The following ST18 variants were observed in gnomAD, a reference collection of about 807,000 sequenced individuals.
ST18 encodes the protein suppression of tumorigenicity 18 protein.
Under a neutral mutation model 110.0 loss-of-function variants are expected in ST18, and 50 were observed. The observed-to-expected ratio is 0.45, with a 90% CI of 0.36 to 0.58. The LOEUF (loss-of-function observed/expected upper bound fraction) is 0.58, where lower values mean the gene tolerates loss of function less well. Among genes scored for constraint, ST18 ranks in the 20% least tolerant of loss-of-function variants. The pLI is 0.00. For synonymous variants in ST18, 461 were observed against 452.4 expected (o/e 1.02, Z -0.24); for missense variants, 1,306 against 1,280.1 (o/e 1.02, Z -0.31).
chr8:52,406,641 C>T (rs1015265459), intron 2 of ST18: 16 of 152,282 alleles, frequency 1.1e-4, no homozygotes, highest in Admixed American at 1.0e-3. Context: ...GAGGTCTTAA[C>T]ATCCAAGTGG....
chr8:52,118,977 T>C (rs959393758), intron 23 of ST18, among the ~76,000 whole-genome samples: 1 of 152,144 alleles, frequency 6.6e-6, no homozygotes, highest in Admixed American at 6.5e-5. Flanking sequence ...GGACCCATGA[T>C]GGGAGGCAGA....
At chr8:52,254,936 C>T (rs1209322982) in intron 2 of ST18, among the ~76,000 whole-genome samples, 1 of 152,094 alleles carries the variant, frequency 6.6e-6, no homozygotes, top group Non-Finnish European at 1.5e-5. Context: ...CAGAAGCTCA[C>T]GAATTAGACA....
At chr8:52,239,031 T>C (rs568267814) in intron 2 of ST18, among the ~76,000 whole-genome samples, 1 of 152,222 alleles carries the variant, frequency 6.6e-6, no homozygotes, top group Admixed American at 6.5e-5. Context: ...GAAGTACTTA[T>C]GTATGCCGAA....
At chr8:52,366,540 T>C (rs1454417621) in intron 2 of ST18, among the ~76,000 whole-genome samples, 1 of 152,160 alleles carries the variant, frequency 6.6e-6, no homozygotes. Context: ...TCTGAGGACC[T>C]TGGCACTTGC....
chr8:52,322,694 G>A (rs1413134468), intron 2 of ST18, among the ~76,000 whole-genome samples: 2 of 152,184 alleles, frequency 1.3e-5, no homozygotes, highest in Admixed American at 1.3e-4. Flanking sequence ...TTTCTTTCCA[G>A]TAGAGTAGAT....
At chr8:52,284,610 G>C (rs2095438340) in intron 2 of ST18, among the ~76,000 whole-genome samples, 1 of 152,118 alleles carries the variant, frequency 6.6e-6, no homozygotes, top group Admixed American at 6.5e-5. Context: ...CTCAAGGGGA[G>C]GCAGTGTCCT....
At chr8:52,164,893 ATATAATATT>A (rs1554645088) in intron 12 of ST18, among the ~76,000 whole-genome samples, 2 of 152,234 alleles carry the variant, frequency 1.3e-5, no homozygotes, top group Non-Finnish European at 2.9e-5. Context: ...GCAACTTCAA[ATATAATATT>A]TTTTCATTAT....
intron 2 of ST18, among the ~76,000 whole-genome samples, chr8:52,245,249 A>T (rs535409572): frequency 3.9e-5 from 6 of 151,924 alleles, no homozygotes; most frequent in Non-Finnish European, 7.4e-5. Context: ...TTTTCAATAA[A>T]TTTTTTTTTG....
In ST18 at chr8:52,250,395, C is replaced by T. The variant is rs1191517176; in HGVS notation, c.-464-20318G>A. ...GTCCCTTTCATTCACACCACGAGGC[C>T]GTTTTCCTACTATCAGTCAGCAGCT... On this transcript the variant is annotated intron_variant, in intron 2 of 25. Coordinates refer to ENST00000689386, the MANE Select transcript of ST18 (RefSeq NM_001352837.2). Among the ~76,000 whole-genome samples, 6 of 129,982 alleles carry T rather than the reference C, an allele frequency of 4.6e-5. No individual in the cohort carries two copies. The East Asian group carries it at 1.1e-3, about 23-fold the overall frequency. The allele number at this position is 129,982 out of a possible 152,430, so 85.3% of individuals were successfully genotyped here.
chr8:52,140,941 ATGTGGGAAAAGGTGT>A (rs1440354699), intron 17 of ST18, among the ~76,000 whole-genome samples: 1 of 152,208 alleles, frequency 6.6e-6, no homozygotes, highest in African/African-American at 2.4e-5. Flanking sequence ...CAGCAGGTCC[ATGTGGGAAAAGGTGT>A]CTGGCTGGCC....
chr8:52,142,928 AC>A lies in ST18; in HGVS notation c.2168+1del. On this transcript the variant is annotated splice_donor_variant, in intron 17 of 25. Coordinates refer to ENST00000689386, the MANE Select transcript of ST18 (RefSeq NM_001352837.2). LOFTEE classifies it high-confidence loss of function. ...GAGGGCATGGCATTGGGCACCACTT[AC>A]GTGATTAGTTCCTTTTTGAGATCTC... The A allele has an allele frequency of 6.2e-7, 1 of 1,605,038 alleles. No individual in the cohort carries two copies. Among genetic ancestry groups the A allele is most frequent in the Non-Finnish European group, 8.5e-7 (1 of 1,171,802 alleles).
intron 2 of ST18, among the ~76,000 whole-genome samples, chr8:52,375,245 C>T (rs916224681): frequency 5.3e-5 from 8 of 152,116 alleles, no homozygotes; most frequent in African/African-American, 9.7e-5. Flanking sequence ...AAAATCTTCA[C>T]TTGACTCCAC....
chr8:52,286,266 C>T (rs1315483840), intron 2 of ST18, among the ~76,000 whole-genome samples: 1 of 152,134 alleles, frequency 6.6e-6, no homozygotes, highest in African/African-American at 2.4e-5. Context: ...AAGGAAATAA[C>T]ATTGTATTTT....
At chr8:52,236,372 G>A (rs1368775734) in intron 2 of ST18, among the ~76,000 whole-genome samples, 1 of 152,168 alleles carries the variant, frequency 6.6e-6, no homozygotes, top group Non-Finnish European at 1.5e-5. Context: ...CACTTTGGGA[G>A]GCCAAAGCGG....
At chr8:52,220,618 A>T (rs1173376922) in intron 5 of ST18, 123 bp downstream of exon 5, 2 of 152,134 alleles carry the variant, frequency 1.3e-5, no homozygotes, top group Admixed American at 6.5e-5. Context: ...ACTAACAATA[A>T]ATTTGTAAGC....
intron 2 of ST18, among the ~76,000 whole-genome samples, chr8:52,367,392 A>G (rs1828526336): frequency 6.6e-6 from 1 of 152,188 alleles, no homozygotes; most frequent in Non-Finnish European, 1.5e-5. Flanking sequence ...ACTGCACTCC[A>G]GCCTGGGCAA....
At chr8:52,163,931 G>A (rs753310104) in intron 13 of ST18, 55 bp downstream of exon 13, 81 of 1,386,326 alleles carry the variant, frequency 5.8e-5, no homozygotes, top group Non-Finnish European at 7.7e-5. Flanking sequence ...CAGAGGCCCC[G>A]CTGTGCAGGA....
In ST18 at chr8:52,149,719, A is replaced by G. The variant is rs1284435567; in HGVS notation, c.2052+13T>C. ...CTGTCTTCAACTTATTGATTGACAT[A>G]TGGAAACAATACCTCTTTCTCCTCC... is the stretch of plus-strand genomic sequence containing the variant. On this transcript the variant is annotated intron_variant, in intron 16 of 25. Coordinates refer to ENST00000689386, the MANE Select transcript of ST18 (RefSeq NM_001352837.2). 2 of 1,610,928 alleles carry G rather than the reference A, an allele frequency of 1.2e-6. No individual in the cohort carries two copies. The highest frequency in any genetic ancestry group is 1.7e-6 in the Non-Finnish European group (2 of 1,178,130).
intron 2 of ST18, among the ~76,000 whole-genome samples, chr8:52,334,359 C>T (rs1386339785): frequency 6.6e-6 from 1 of 152,128 alleles, no homozygotes; most frequent in East Asian, 1.9e-4. Context: ...ACCTGATTTA[C>T]AATTGTTCTT....
Sources: gnomAD v4.1 joint callset for allele counts (sites outside exome capture counted in the v4.1 genomes callset) on GRCh38, gnomAD v4.1.1 for gene constraint, MANE v1.5 for transcripts, NCBI Gene and HGNC (gene_info 2026-07-23, HGNC 2026-07-21) for gene names.